PRKCA: variants seen among roughly 807,000 people sequenced by gnomAD.
PRKCA encodes the protein protein kinase C alpha.
PRKCA carries 27 observed loss-of-function variants against 87.0 expected under a neutral mutation model. That is an observed-to-expected ratio of 0.31 (90% CI 0.23 to 0.43). The LOEUF (loss-of-function observed/expected upper bound fraction) is 0.43, where lower values mean the gene tolerates loss of function less well. PRKCA is among the 20% of genes least tolerant of loss of function. The pLI, the probability that PRKCA is intolerant of heterozygous loss-of-function variation, is 1.00. For missense variants in PRKCA, 518 were observed against 852.3 expected (o/e 0.61, Z 4.88); for synonymous variants, 329 against 311.1 (o/e 1.06, Z -0.61).
intron 5 of PRKCA, among the ~76,000 whole-genome samples, chr17:66,668,364 A>T (rs757330974): frequency 6.6e-6 from 1 of 152,232 alleles, no homozygotes; most frequent in Non-Finnish European, 1.5e-5. Context: ...AGGTGAGAAG[A>T]ACTTCAGGGT....
chr17:66,587,854 C>T (rs1279952233), intron 3 of PRKCA, among the ~76,000 whole-genome samples: 2 of 79,866 alleles, frequency 2.5e-5, no homozygotes, highest in Non-Finnish European at 2.9e-5. Context: ...TCTACATATA[C>T]ATATATACAT....
intron 5 of PRKCA, among the ~76,000 whole-genome samples, chr17:66,684,701 T>A (rs1463418714): frequency 1.3e-5 from 2 of 152,208 alleles, no homozygotes; most frequent in African/African-American, 4.8e-5. Flanking sequence ...CTGTCAGGAA[T>A]ATAAATTGAA....
intron 8 of PRKCA, among the ~76,000 whole-genome samples, chr17:66,716,471 T>C (rs577192326): frequency 2.6e-5 from 4 of 152,104 alleles, no homozygotes; most frequent in South Asian, 2.1e-4. Context: ...GAGAAAAACA[T>C]TGTTGCAGAT....
intron 5 of PRKCA, among the ~76,000 whole-genome samples, chr17:66,656,471 A>C (rs1307638414): frequency 6.6e-6 from 1 of 152,202 alleles, no homozygotes; most frequent in African/African-American, 2.4e-5. Context: ...ATTGCTTCTA[A>C]TTATAGGATT....
At chr17:66,320,427 A>G (rs1475215931) in intron 2 of PRKCA, among the ~76,000 whole-genome samples, 2 of 151,976 alleles carry the variant, frequency 1.3e-5, no homozygotes, top group Non-Finnish European at 2.9e-5. Flanking sequence ...AACAAAGCAG[A>G]CGTGAGATTC....
chr17:66,644,377 T>C (rs578113346), intron 4 of PRKCA, among the ~76,000 whole-genome samples: 119 of 152,316 alleles, frequency 7.8e-4, no homozygotes, highest in African/African-American at 2.8e-3. Context: ...ATTAGCATCC[T>C]GGCAAGGATT....
chr17:66,465,517 G>A (rs1306850119), intron 2 of PRKCA, among the ~76,000 whole-genome samples: 1 of 151,876 alleles, frequency 6.6e-6, no homozygotes, highest in Non-Finnish European at 1.5e-5. Flanking sequence ...TCAGTCTCCT[G>A]AGTAGCTGGG....
chr17:66,711,036 C>A (rs1488476832), intron 8 of PRKCA, among the ~76,000 whole-genome samples: 1 of 151,766 alleles, frequency 6.6e-6, no homozygotes, highest in African/African-American at 2.4e-5. Context: ...GAGTAAGACT[C>A]CATCTCAAAA....
At chr17:66,319,157 A>G (rs898343756) in intron 2 of PRKCA, among the ~76,000 whole-genome samples, 3 of 152,046 alleles carry the variant, frequency 2.0e-5, no homozygotes, top group Admixed American at 1.3e-4. Flanking sequence ...AAGGCTTGCA[A>G]TGGTGGTCTG....
intron 2 of PRKCA, among the ~76,000 whole-genome samples, chr17:66,380,173 A>G (rs1461522063): frequency 6.6e-6 from 1 of 152,100 alleles, no homozygotes; most frequent in Non-Finnish European, 1.5e-5. Flanking sequence ...CACATAAGCA[A>G]AAATAAGAAA....
At chr17:66,612,381 C>CA (rs1200272317) in intron 3 of PRKCA, among the ~76,000 whole-genome samples, 39,054 of 87,576 alleles carry the variant, frequency 0.45, 7,804 homozygotes, top group East Asian at 0.56. Flanking sequence ...AAATCTGTCT[C>CA]AAAAAAAAAA....
At chr17:66,674,423 A>G (rs535927833) in intron 5 of PRKCA, among the ~76,000 whole-genome samples, 3 of 152,334 alleles carry the variant, frequency 2.0e-5, no homozygotes, top group South Asian at 4.1e-4. Flanking sequence ...TAGGGGTTCA[A>G]AATAACTAAA....
intron 3 of PRKCA, among the ~76,000 whole-genome samples, chr17:66,608,340 T>C (rs2143623996): frequency 6.6e-6 from 1 of 152,310 alleles, no homozygotes; most frequent in Middle Eastern, 3.4e-3. Context: ...AGTTCTAAAA[T>C]CAGGAAAACT....
intron 8 of PRKCA, among the ~76,000 whole-genome samples, chr17:66,731,684 C>G (rs1271632692): frequency 6.6e-6 from 1 of 151,918 alleles, no homozygotes; most frequent in Admixed American, 6.5e-5. Flanking sequence ...GCAGGGCCCC[C>G]TCTAGAGCTT....
intron 4 of PRKCA, among the ~76,000 whole-genome samples, chr17:66,644,648 G>A (rs564578489): frequency 5.3e-5 from 8 of 152,216 alleles, no homozygotes; most frequent in Admixed American, 1.3e-4. Flanking sequence ...TTGAAGATAG[G>A]TTTAAAATAT....
chr17:66,538,132 A>G (rs1967852087), intron 3 of PRKCA, among the ~76,000 whole-genome samples: 1 of 151,970 alleles, frequency 6.6e-6, no homozygotes, highest in South Asian at 2.1e-4. Flanking sequence ...GTTACTGAAG[A>G]CTTTATTTTG....
intron 13 of PRKCA, among the ~76,000 whole-genome samples, chr17:66,746,385 C>A (rs183637966): frequency 1.3e-5 from 2 of 151,818 alleles, no homozygotes; most frequent in Non-Finnish European, 2.9e-5. Context: ...TTTGGCCACA[C>A]GAATACTTAC....
At chr17:66,335,213 C>T (rs1906584410) in intron 2 of PRKCA, among the ~76,000 whole-genome samples, 1 of 152,134 alleles carries the variant, frequency 6.6e-6, no homozygotes, top group Admixed American at 6.5e-5. Context: ...ATGACATCCT[C>T]CATCTCCTGG....
chr17:66,796,962 C>G (rs1975684802), intron 16 of PRKCA: 1 of 985,266 alleles, frequency 1.0e-6, no homozygotes, highest in Non-Finnish European at 1.2e-6. Context: ...ATTTGTTCTG[C>G]ATCTTTCCTC....
Sources: gnomAD v4.1 joint callset for allele counts (sites outside exome capture counted in the v4.1 genomes callset) on GRCh38, gnomAD v4.1.1 for gene constraint, MANE v1.5 for transcripts, NCBI Gene and HGNC (gene_info 2026-07-23, HGNC 2026-07-21) for gene names.